The following FAM181A variants were observed in gnomAD, a reference collection of about 807,000 sequenced individuals.
FAM181A encodes the protein family with sequence similarity 181 member A, also known as protein FAM181A.
In FAM181A, 7 loss-of-function variants were observed where a neutral mutation model predicts 16.3. That is an observed-to-expected ratio of 0.43 (90% confidence interval 0.24 to 0.81). FAM181A has a LOEUF of 0.81. Among genes scored for constraint, FAM181A ranks in the 30% least tolerant of loss-of-function variants. The pLI, the probability that FAM181A is intolerant of heterozygous loss-of-function variation, is 0.24. For missense variants in FAM181A, 349 were observed against 377.5 expected (o/e 0.92, Z 0.63); for synonymous variants, 183 against 164.9 (o/e 1.11, Z -0.84).
intron 1 of FAM181A, among the ~76,000 whole-genome samples, chr14:93,927,785 T>C (rs2141256905): frequency 6.6e-6 from 1 of 151,888 alleles, no homozygotes; most frequent in South Asian, 2.1e-4. Context: ...GGGCTTGGCC[T>C]TGCTTTAAAG....
In FAM181A at chr14:93,928,985, A is replaced by G; in HGVS notation, c.700A>G (p.Ser234Gly). ...YPGPLGALPQ[S>G]PVPSLGLWRK... is the part of the protein sequence containing the mutation. ...GGGCCCCCTGGGGGCACTGCCTCAG[A>G]GTCCTGTCCCCAGCCTGGGCCTTTG... Residue 234 changes from serine (S) to glycine (G), a missense_variant, in exon 2 of 2, where the codon AGT becomes GGT. Transcript: ENST00000556222. 1 of 1,612,764 alleles carries G rather than the reference A, an allele frequency of 6.2e-7. No homozygotes were observed. Among genetic ancestry groups the G allele is most frequent in the South Asian group, 1.1e-5 (1 of 91,070 alleles).
upstream of FAM181A, among the ~76,000 whole-genome samples, chr14:93,925,710 C>T (rs1050741026): frequency 6.6e-6 from 1 of 151,718 alleles, no homozygotes; most frequent in Non-Finnish European, 1.5e-5. Context: ...AGTCCAGCGG[C>T]ACTTCCATCT....
At chr14:93,927,004 A>G, upstream of FAM181A, 1 of 133,922 alleles carries the variant, frequency 7.5e-6, no homozygotes, top group Non-Finnish European at 1.6e-5. Context: ...CACTAGGCCC[A>G]GCCCCTTCTC....
chr14:93,927,935 C>T (rs1037303612), intron 1 of FAM181A, among the ~76,000 whole-genome samples: 7 of 152,100 alleles, frequency 4.6e-5, no homozygotes, highest in Non-Finnish European at 7.4e-5. Context: ...TCACCTTGGG[C>T]GACTTGCTTG....
upstream of FAM181A, chr14:93,922,446 T>C (rs1391366466): frequency 6.6e-6 from 1 of 152,154 alleles, no homozygotes; most frequent in African/African-American, 2.4e-5. Flanking sequence ...TCCCAGCACT[T>C]TGGGAGGCTG....
chr14:93,928,199 G>T lies in FAM181A; in HGVS notation c.-87G>T. The T allele has an allele frequency of 6.2e-7, 1 of 1,612,070 alleles. No individual in the cohort carries two copies. ...TCCGATGGCCTGTTTTGTCCCCCAG[G>T]TCAGCTCGGTGCCCTTCCTTGGAGC... On this transcript the variant is annotated splice_region_variant and 5_prime_UTR_variant, in exon 2 of 2. Transcript: ENST00000556222.
chr14:93,919,215 T>C (rs1887636168), intron 1 of FAM181A, among the ~76,000 whole-genome samples: 1 of 152,222 alleles, frequency 6.6e-6, no homozygotes, highest in Non-Finnish European at 1.5e-5. Context: ...ATTGATGTGT[T>C]TGTTGAGTTT....
upstream of FAM181A, among the ~76,000 whole-genome samples, chr14:93,925,742 C>T (rs571479363): frequency 9.2e-5 from 14 of 151,806 alleles, no homozygotes; most frequent in African/African-American, 2.9e-4. Context: ...TCCCCGACCC[C>T]GCAGCAGGGT....
At chr14:93,922,932 G>T (rs149266857), upstream of FAM181A, among the ~76,000 whole-genome samples, 14 of 152,166 alleles carry the variant, frequency 9.2e-5, no homozygotes, top group African/African-American at 3.1e-4. Flanking sequence ...AAATAAATTT[G>T]TACTCATAGC....
upstream of FAM181A, chr14:93,925,352 G>A: frequency 6.2e-7 from 1 of 1,613,298 alleles, no homozygotes; most frequent in African/African-American, 1.3e-5. Flanking sequence ...GGGAGAAAAG[G>A]GCGAGCACAG....
chr14:93,919,590 A>G (rs1887647912), intron 1 of FAM181A, among the ~76,000 whole-genome samples: 1 of 152,240 alleles, frequency 6.6e-6, no homozygotes, highest in African/African-American at 2.4e-5. Flanking sequence ...TGCTACCCCC[A>G]GCACTTCAGA....
At position 93,928,508 on chromosome 14, in the gene FAM181A, C is replaced by T. The variant is rs371120548; in HGVS notation, c.223C>T (p.Arg75Trp). 32 of 1,610,334 alleles carry T rather than the reference C, an allele frequency of 2.0e-5. No individual in the cohort carries two copies. Among genetic ancestry groups the T allele is most frequent in the African/African-American group, 9.4e-5 (7 of 74,832 alleles). The stretch of plus-strand genomic sequence containing the variant: ...CTACCTGAAAAGGGGGTCTGAGGAC[C>T]GGCCCAGGAGGCTGCTCCTGGATTT... ...EPYLKRGSED[R>W]PRRLLLDLGP... is the part of the protein sequence containing the mutation. The change falls in exon 2 of 2, where the codon CGG becomes TGG. Residue 75 changes from arginine (R) to tryptophan (W), a missense_variant. Physicochemically the swap from Arg to Trp is moderately radical, Grantham distance 101. Transcript: ENST00000556222.
chr14:93,925,433 C>A, upstream of FAM181A: 1 of 1,495,448 alleles, frequency 6.7e-7, no homozygotes, highest in South Asian at 1.2e-5. Context: ...GCACACCAGC[C>A]TCACACAGTA....
upstream of FAM181A, chr14:93,925,141 A>T: frequency 2.6e-6 from 2 of 772,288 alleles, no homozygotes; most frequent in Non-Finnish European, 4.2e-6. Flanking sequence ...CCTGGTGGGG[A>T]GGCTTACTAC....
chr14:93,928,378 C>G lies in FAM181A; in HGVS notation c.93C>G (p.Cys31Trp). Residue 31 changes from cysteine (C) to tryptophan (W), a missense_variant, in exon 2 of 2, where the codon TGC (cysteine) becomes TGG (tryptophan). Transcript: ENST00000556222. ...IKAALDKSAPCRRSVDHRKYL... is the reference protein window; with the variant it reads ...IKAALDKSAPWRRSVDHRKYL... Reference sequence around the variant, plus strand: ...CAGCCCTGGATAAGTCCGCACCCTGCCGCCGCTCCGTGGACCATCGCAAGT... The same window carrying G: ...CAGCCCTGGATAAGTCCGCACCCTGGCGCCGCTCCGTGGACCATCGCAAGT... 1 of 1,613,878 alleles carries G rather than the reference C, an allele frequency of 6.2e-7. No individual in the cohort carries two copies. Among genetic ancestry groups the G allele is most frequent in the Non-Finnish European group, 8.5e-7 (1 of 1,180,022 alleles).
chr14:93,927,373 G>A lies in FAM181A; in HGVS notation c.-169G>A, dbSNP rs183826306. ...AACTGCTTCCAGCCGGACGGAGCTC[G>A]GCCGGCTGCGCCGGGGCCTGTCCCA... On this transcript the variant is annotated 5_prime_UTR_variant, in exon 1 of 2. Coordinates refer to ENST00000556222, the MANE Select transcript of FAM181A (RefSeq NM_001207073.2). 1.5e-4 allele frequency: 169 copies of A among 1,132,294 alleles called. No homozygotes were observed. In the African/African-American group the frequency reaches 2.2e-3, roughly 15 times the overall value. 70.1% of individuals were successfully genotyped at this position (1,132,294 alleles called of 1,614,324 possible). A position where few individuals can be genotyped will look rare whatever the true frequency, so the allele number is the denominator to read the frequency against.
chr14:93,922,031 G>A (rs1439682771), intron 1 of FAM181A: 2 of 152,214 alleles, frequency 1.3e-5, no homozygotes, highest in Non-Finnish European at 2.9e-5. Context: ...GGCTGGCAGA[G>A]CAGAGCTCCC....
upstream of FAM181A, chr14:93,925,184 G>A: frequency 8.4e-7 from 1 of 1,192,762 alleles, no homozygotes; most frequent in East Asian, 2.4e-5. Context: ...TTCATGAGCG[G>A]GCAGTGCAGA....
intron 1 of FAM181A, among the ~76,000 whole-genome samples, chr14:93,921,478 G>C (rs1449860866): frequency 6.6e-6 from 1 of 152,234 alleles, no homozygotes; most frequent in East Asian, 1.9e-4. Context: ...GGTTGGCTTT[G>C]ACCTGGTGCC....
Sources: allele counts gnomAD v4.1 joint callset (sites outside exome capture counted in the v4.1 genomes callset), GRCh38; gene constraint gnomAD v4.1.1; transcripts MANE v1.5; gene names NCBI Gene and HGNC (gene_info 2026-07-23, HGNC 2026-07-21).